NBEA: variants seen among roughly 807,000 people sequenced by gnomAD.
NBEA encodes the protein neurobeachin.
NBEA carries 44 observed loss-of-function variants against 343.4 expected under a neutral mutation model. That is an observed-to-expected ratio of 0.13 (90% CI 0.10 to 0.16). NBEA has a LOEUF of 0.16. Ranked by LOEUF, NBEA falls within the 10% of genes least tolerant of loss-of-function variation. NBEA has a pLI of 1.00. For synonymous variants in NBEA, 1,175 were observed against 1,238.7 expected, an observed-to-expected ratio of 0.95 and a Z score of 1.08; for missense variants, 2,555 against 3,631.3, an observed-to-expected ratio of 0.70 and a Z score of 7.62.
chr13:35,464,649 T>C (rs1437785835), intron 40 of NBEA, among the ~76,000 whole-genome samples: 1 of 152,202 alleles, frequency 6.6e-6, no homozygotes, highest in Non-Finnish European at 1.5e-5. Context: ...ACCTCTAAAT[T>C]ACTCCAACCC....
intron 38 of NBEA, among the ~76,000 whole-genome samples, chr13:35,414,692 C>T (rs1199327120): frequency 3.3e-5 from 5 of 152,220 alleles, no homozygotes; most frequent in Non-Finnish European, 7.4e-5. Flanking sequence ...AATAAACATA[C>T]GTGTGCATGT....
At chr13:35,017,148 CT>C (rs1362560951) in intron 1 of NBEA, among the ~76,000 whole-genome samples, 1 of 151,942 alleles carries the variant, frequency 6.6e-6, no homozygotes, top group Non-Finnish European at 1.5e-5. Flanking sequence ...AAGTGGTGAT[CT>C]AGTGTAGTGC....
intron 21 of NBEA, 59 bp downstream of exon 21, chr13:35,157,329 A>G (rs973227412): frequency 3.0e-5 from 37 of 1,253,868 alleles, no homozygotes; most frequent in Non-Finnish European, 3.6e-5. Flanking sequence ...TTAAATGGCT[A>G]CAAACATGCA....
At chr13:35,476,213 G>T in intron 41 of NBEA, 1 of 1,607,138 alleles carries the variant, frequency 6.2e-7, no homozygotes, top group Non-Finnish European at 8.5e-7. Context: ...GCTAGAGCTG[G>T]AGCCAACTTC....
At chr13:35,284,162 A>G (rs2035262637) in intron 34 of NBEA, among the ~76,000 whole-genome samples, 1 of 152,164 alleles carries the variant, frequency 6.6e-6, no homozygotes, top group Non-Finnish European at 1.5e-5. Flanking sequence ...TATAGCCACC[A>G]AAGTCAAAAA....
intron 31 of NBEA, among the ~76,000 whole-genome samples, chr13:35,206,337 ACT>A (rs1366576970): frequency 4.6e-5 from 7 of 152,074 alleles, no homozygotes; most frequent in Non-Finnish European, 7.4e-5. Flanking sequence ...ATCTCATAGC[ACT>A]GTTAATTAGC....
intron 49 of NBEA, among the ~76,000 whole-genome samples, chr13:35,634,129 G>A (rs1224151508): frequency 6.6e-6 from 1 of 152,154 alleles, no homozygotes; most frequent in Non-Finnish European, 1.5e-5. Flanking sequence ...CAGATCACGA[G>A]GTCAGGAGAT....
Position 35,244,222 on chromosome 13 carries a change from A to G in NBEA, c.5776+11603A>G, listed in dbSNP as rs1056969267. 2.0e-5 allele frequency among the ~76,000 whole-genome samples: 3 copies of G among 152,080 alleles called. No individual in the cohort carries two copies. The East Asian group carries it at 5.8e-4, about 29-fold the overall frequency. ...GTAGAAGGAAATTTAGAAACTCCAT[A>G]AACACTTAGAAATAAAACAACATAT... is the stretch of plus-strand genomic sequence containing the variant. On this transcript the variant is annotated intron_variant, in intron 34 of 58. Transcript: ENST00000379939.
At chr13:35,195,750 T>C (rs2152741761) in intron 30 of NBEA, 114 bp from the exon 31 acceptor site, 2 of 939,912 alleles carry the variant, frequency 2.1e-6, no homozygotes, top group East Asian at 2.6e-5. Flanking sequence ...CGTTTAGCAA[T>C]TTTTTGTTTC....
intron 47 of NBEA, among the ~76,000 whole-genome samples, chr13:35,601,761 C>CAAAAAAAAAAAAAAA (rs869213180): frequency 1.3e-4 from 15 of 114,914 alleles, no homozygotes; most frequent in African/African-American, 5.1e-4. Context: ...GACTCCATCG[C>CAAAAAAAAAAAAAAA]AAAAAAAAAA....
intron 17 of NBEA, among the ~76,000 whole-genome samples, chr13:35,129,017 A>T (rs1028274713): frequency 1.4e-5 from 2 of 140,668 alleles, no homozygotes; most frequent in African/African-American, 5.2e-5. Flanking sequence ...ACATGTTCTC[A>T]CTCATAGGTA....
intron 10 of NBEA, among the ~76,000 whole-genome samples, chr13:35,098,004 C>A (rs2065426467): frequency 6.6e-6 from 1 of 151,756 alleles, no homozygotes; most frequent in Non-Finnish European, 1.5e-5. Context: ...TTACTTGAAG[C>A]CAGACATATA....
chr13:35,376,364 C>G (rs1694906235), intron 38 of NBEA, among the ~76,000 whole-genome samples: 1 of 151,956 alleles, frequency 6.6e-6, no homozygotes, highest in African/African-American at 2.4e-5. Context: ...TTTAATTGCA[C>G]TGCTATAGTT....
intron 36 of NBEA, among the ~76,000 whole-genome samples, chr13:35,328,965 C>T (rs930887053): frequency 1.2e-4 from 18 of 151,784 alleles, no homozygotes; most frequent in African/African-American, 3.6e-4. Flanking sequence ...GACAGATCAA[C>T]GGAAGGAAAT....
chr13:35,652,883 T>G (rs1158635336), intron 53 of NBEA, among the ~76,000 whole-genome samples: 1 of 147,686 alleles, frequency 6.8e-6, no homozygotes, highest in African/African-American at 2.5e-5. Context: ...TTTAGTGGAG[T>G]CAGGGTTTCA....
chr13:35,632,829 G>T (rs2153068278), intron 49 of NBEA, among the ~76,000 whole-genome samples: 1 of 151,514 alleles, frequency 6.6e-6, no homozygotes, highest in East Asian at 2.0e-4. Flanking sequence ...CCTGACCTCA[G>T]GTGATCTGCC....
chr13:35,192,550 T>C (rs1593686912), intron 30 of NBEA, among the ~76,000 whole-genome samples: 1 of 152,106 alleles, frequency 6.6e-6, no homozygotes, highest in African/African-American at 2.4e-5. Flanking sequence ...AAAATTGAGA[T>C]GTTTTTAGTA....
At chr13:35,547,072 G>A (rs1454876075) in intron 41 of NBEA, among the ~76,000 whole-genome samples, 1 of 152,142 alleles carries the variant, frequency 6.6e-6, no homozygotes, top group Non-Finnish European at 1.5e-5. Context: ...TCTTTCATCA[G>A]CCCTTTTAGG....
intron 41 of NBEA, among the ~76,000 whole-genome samples, chr13:35,532,810 C>T (rs2078331395): frequency 6.6e-6 from 1 of 152,018 alleles, no homozygotes; most frequent in African/African-American, 2.4e-5. Flanking sequence ...GATAATGGTA[C>T]AGTGGTTTCA....
Sources: gnomAD v4.1 joint callset for allele counts (sites outside exome capture counted in the v4.1 genomes callset) on GRCh38, gnomAD v4.1.1 for gene constraint, MANE v1.5 for transcripts, NCBI Gene and HGNC (gene_info 2026-07-23, HGNC 2026-07-21) for gene names.